PCDHA1: variants seen among roughly 807,000 people sequenced by gnomAD.
PCDHA1 encodes protocadherin alpha 1, also known as protocadherin alpha-1.
In PCDHA1, 42 loss-of-function variants were observed where a neutral mutation model predicts 61.3. The observed-to-expected ratio is 0.69, with a 90% confidence interval of 0.54 to 0.89. The LOEUF (loss-of-function observed/expected upper bound fraction) is 0.89. Ranked by LOEUF, PCDHA1 falls within the 40% of genes least tolerant of loss-of-function variation. The probability of loss-of-function intolerance (pLI) is 0.00; values close to 1 mark genes in which losing one functional copy is unlikely to be tolerated. For synonymous variants in PCDHA1, 610 were observed against 553.8 expected, an observed-to-expected ratio of 1.10 and a Z score of -1.43; for missense variants, 1,256 against 1,235.3, an observed-to-expected ratio of 1.02 and a Z score of -0.25.
At chr5:140,944,407 G>A (rs1384591675) in intron 1 of PCDHA1, among the ~76,000 whole-genome samples, 2 of 152,036 alleles carry the variant, frequency 1.3e-5, no homozygotes, top group East Asian at 1.9e-4. Context: ...GGCTGGTCTC[G>A]AACTCCTGAT....
intron 1 of PCDHA1, among the ~76,000 whole-genome samples, chr5:140,913,844 A>G (rs1554196074): frequency 1.3e-5 from 2 of 152,194 alleles, no homozygotes; most frequent in African/African-American, 2.4e-5. Flanking sequence ...CCCACTGGTC[A>G]TTCAGGAGCA....
chr5:140,823,472 T>C lies in PCDHA1; in HGVS notation c.2394+34788T>C, dbSNP rs2150126128. 4.3e-6 allele frequency: 7 copies of C among 1,613,286 alleles called. No individual in the cohort carries two copies. The African/African-American group carries it at 5.3e-5, about 12-fold the overall frequency. On this transcript the variant is annotated intron_variant, in intron 1 of 3. Coordinates refer to ENST00000504120, the MANE Select transcript of PCDHA1 (RefSeq NM_018900.4). ...AACGACAACGCGCCGGCGCTGCTGG[T>C]GCCTCGAGTGGGTGGCACCGGCGGC...
At position 140,883,003 on chromosome 5, in the gene PCDHA1, C is replaced by G. The variant is rs781977743; in HGVS notation, c.2394+94319C>G. 3.1e-6 allele frequency: 5 copies of G among 1,613,932 alleles called. No homozygotes were observed. The African/African-American group carries it at 5.3e-5, about 17-fold the overall frequency. On this transcript the variant is annotated intron_variant, in intron 1 of 3. Coordinates refer to ENST00000504120, the MANE Select transcript of PCDHA1 (RefSeq NM_018900.4). ...ACAACGCCCCGGAATTTTACCAATC[C>G]GTTTATAAAGTGACGGTGTTAGAGA... is the stretch of plus-strand genomic sequence containing the variant.
At chr5:140,981,338 G>A (rs1563488090) in intron 2 of PCDHA1, among the ~76,000 whole-genome samples, 1 of 152,100 alleles carries the variant, frequency 6.6e-6, no homozygotes, top group Non-Finnish European at 1.5e-5. Context: ...CTTTGGGAGG[G>A]TGAGGCAGGT....
chr5:140,963,386 A>G (rs189164274), intron 1 of PCDHA1, among the ~76,000 whole-genome samples: 2 of 152,344 alleles, frequency 1.3e-5, no homozygotes, highest in Admixed American at 1.3e-4. Flanking sequence ...CTCTGTGCCA[A>G]GCTCCCTACT....
At chr5:140,809,703 A>G (rs775895532) in intron 1 of PCDHA1, 2 of 1,131,154 alleles carry the variant, frequency 1.8e-6, no homozygotes, top group African/African-American at 1.6e-5. Context: ...CATTTTAACT[A>G]AAGTCTTTTG....
chr5:140,906,239 T>G (rs563566442), intron 1 of PCDHA1, among the ~76,000 whole-genome samples: 5 of 152,314 alleles, frequency 3.3e-5, no homozygotes, highest in Admixed American at 1.3e-4. Context: ...CCTTGTCAAC[T>G]TGAACCCATA....
chr5:140,998,066 C>T (rs1234368433), intron 3 of PCDHA1, among the ~76,000 whole-genome samples: 2 of 152,160 alleles, frequency 1.3e-5, no homozygotes, highest in East Asian at 1.9e-4. Flanking sequence ...CATCAACAGA[C>T]TTAGCCTCTG....
chr5:140,901,020 C>G (rs528406801), intron 1 of PCDHA1, among the ~76,000 whole-genome samples: 2 of 152,262 alleles, frequency 1.3e-5, no homozygotes, highest in African/African-American at 4.8e-5. Flanking sequence ...TGAGAAACAT[C>G]TATTCAACTC....
intron 1 of PCDHA1, chr5:140,817,082 C>T (rs1396398614): frequency 6.6e-6 from 1 of 152,236 alleles, no homozygotes; most frequent in Non-Finnish European, 1.5e-5. Context: ...TGAGGAGCAT[C>T]AGCCCGCCAC....
At chr5:140,883,593 C>T (rs2059688395) in intron 1 of PCDHA1, 1 of 1,613,954 alleles carries the variant, frequency 6.2e-7, no homozygotes, top group Non-Finnish European at 8.5e-7. Context: ...GCCAGCGTGT[C>T]GGTGGGGGTG....
At chr5:140,962,494 A>T (rs1016662619) in intron 1 of PCDHA1, among the ~76,000 whole-genome samples, 4 of 152,130 alleles carry the variant, frequency 2.6e-5, no homozygotes, top group Admixed American at 2.6e-4. Context: ...CAATTTTCAG[A>T]CACCTCAGCC....
chr5:140,936,337 C>G (rs1226552278), intron 1 of PCDHA1, among the ~76,000 whole-genome samples: 17 of 152,160 alleles, frequency 1.1e-4, no homozygotes, highest in Non-Finnish European at 1.5e-5. Context: ...TTTTCTCTAT[C>G]TGCATATATG....
chr5:140,921,498 A>G (rs2080245132), intron 1 of PCDHA1, among the ~76,000 whole-genome samples: 1 of 152,230 alleles, frequency 6.6e-6, no homozygotes, highest in African/African-American at 2.4e-5. Context: ...TTAGTTTATT[A>G]GATAGTGCCT....
chr5:141,000,395 CTATA>C (rs1190667031), intron 3 of PCDHA1, among the ~76,000 whole-genome samples: 54 of 53,974 alleles, frequency 1.0e-3, no homozygotes, highest in East Asian at 2.4e-3. Context: ...CTCTCTCTCT[CTATA>C]TATATATATA....
At chr5:140,824,188 A>C in intron 1 of PCDHA1, 2 of 1,604,144 alleles carry the variant, frequency 1.2e-6, no homozygotes, top group Non-Finnish European at 8.5e-7. Flanking sequence ...TAAATGTCAC[A>C]TTCACCCACT....
At chr5:140,802,784 G>A in intron 1 of PCDHA1, 3 of 1,613,342 alleles carry the variant, frequency 1.9e-6, no homozygotes, top group Non-Finnish European at 2.5e-6. Context: ...AGGAGCTAGA[G>A]CTGCTGCAGT....
At position 140,788,040 on chromosome 5, in the gene PCDHA1, T is replaced by C; in HGVS notation, c.1750T>C (p.Leu584=). Reference sequence around the variant, plus strand: ...TGCAGTCAGTGAGCTGGTGCCGCGATTGGTGGGTGCGGGTCATGTGGTGGC... The same window carrying C: ...TGCAGTCAGTGAGCTGGTGCCGCGACTGGTGGGTGCGGGTCATGTGGTGGC... ...IGAVSELVPR[L]VGAGHVVAKV... Residue 584 remains leucine (L), a synonymous_variant, in exon 1 of 4, where the codon TTG becomes CTG. Coordinates refer to ENST00000504120, the MANE Select transcript of PCDHA1 (RefSeq NM_018900.4). The C allele has an allele frequency of 6.2e-7, 1 of 1,613,854 alleles. No individual in the cohort carries two copies. Among genetic ancestry groups the C allele is most frequent in the Non-Finnish European group, 8.5e-7 (1 of 1,179,864 alleles).
intron 1 of PCDHA1, chr5:140,802,810 G>A: frequency 1.2e-6 from 2 of 1,613,500 alleles, no homozygotes; most frequent in South Asian, 1.1e-5. Flanking sequence ...GTGAGTGCGC[G>A]CGATGCGGGC....
Sources: gnomAD v4.1 joint callset for allele counts (sites outside exome capture counted in the v4.1 genomes callset) on GRCh38, gnomAD v4.1.1 for gene constraint, MANE v1.5 for transcripts, NCBI Gene and HGNC (gene_info 2026-07-23, HGNC 2026-07-21) for gene names.